SPG7: variants seen among roughly 807,000 people sequenced by gnomAD.
SPG7 encodes mitochondrial inner membrane m-AAA protease component paraplegin.
SPG7 carries 103 observed loss-of-function variants against 81.9 expected under a neutral mutation model. The ratio of observed to expected loss-of-function variants is 1.26; its 90% CI spans 1.07 to 1.48. The LOEUF (loss-of-function observed/expected upper bound fraction) is 1.48. Ranked by LOEUF, SPG7 falls within the 40% of genes most tolerant of loss-of-function variation. The pLI is 0.00. For missense variants in SPG7, 1,241 were observed against 1,087.3 expected (o/e 1.14, Z -1.99); for synonymous variants, 534 against 444.2 (o/e 1.20, Z -2.54).
intron 9 of SPG7, chr16:89,536,724 G>A (rs776861944): frequency 6.2e-7 from 1 of 1,611,946 alleles, no homozygotes; most frequent in South Asian, 1.1e-5. Context: ...TGGACACCAA[G>A]GTCTTCGTCC....
chr16:89,544,492 A>T, intron 9 of SPG7, 156 bp from the exon 10 acceptor site: 1 of 794,320 alleles, frequency 1.3e-6, no homozygotes, highest in Non-Finnish European at 2.1e-6. Flanking sequence ...GCGATGGGGG[A>T]TCGCGGCTCC....
rs760570043 is a variant in SPG7 at position 89,556,993 on chromosome 16, G to A, written c.2288G>A (p.Trp763Ter). Residue 763 changes from tryptophan (W) to a stop codon, truncating the protein, a stop_gained, in exon 17 of 17, where the codon TGG becomes TAG. Coordinates refer to ENST00000645818, the MANE Select transcript of SPG7 (RefSeq NM_003119.4). LOFTEE classifies it low-confidence loss of function (END_TRUNC). The part of the protein sequence containing the change: ...GPKKMIAPQR[W>*]IDAQREKQDL... ...AAGAAAATGATCGCACCGCAGAGGT[G>A]GATCGACGCCCAGAGGGAGAAACAG... The A allele has an allele frequency of 6.2e-7, 1 of 1,613,884 alleles. No homozygotes were observed. The highest frequency in any genetic ancestry group is 2.2e-5 in the East Asian group (1 of 44,878).
intron 9 of SPG7, chr16:89,544,312 G>C: frequency 2.7e-6 from 1 of 368,932 alleles, no homozygotes; most frequent in South Asian, 2.2e-5. Flanking sequence ...AATGATGACA[G>C]GGCGGTGGGG....
chr16:89,522,337 C>T (rs537725263), intron 3 of SPG7: 1 of 152,364 alleles, frequency 6.6e-6, no homozygotes, highest in East Asian at 1.9e-4. Flanking sequence ...CGTGCCCAGG[C>T]CAGGCTTTGA....
chr16:89,545,879 G>A (rs947712457), intron 10 of SPG7: 1 of 437,678 alleles, frequency 2.3e-6, no homozygotes, highest in Non-Finnish European at 4.5e-6. Context: ...TAGAGAAAGG[G>A]TGTTGCGCTG....
At chr16:89,516,778 T>C (rs1474020510) in intron 3 of SPG7, 2 of 150,148 alleles carry the variant, frequency 1.3e-5, no homozygotes, top group Non-Finnish European at 3.0e-5. Context: ...GGCAGGAGAA[T>C]GGCGTGAACC....
intron 6 of SPG7, 140 bp from the exon 7 acceptor site, chr16:89,530,543 G>T: frequency 1.1e-6 from 1 of 913,848 alleles, no homozygotes. Context: ...AGCCTCGTCA[G>T]CCTGACATGA....
chr16:89,514,128 G>T (rs1429906675), intron 3 of SPG7, among the ~76,000 whole-genome samples: 1 of 152,036 alleles, frequency 6.6e-6, no homozygotes, highest in Non-Finnish European at 1.5e-5. Flanking sequence ...TTCAGTTTAG[G>T]CGTTTCTGGC....
chr16:89,537,408 G>A, intron 9 of SPG7: 2 of 1,056,244 alleles, frequency 1.9e-6, no homozygotes, highest in Middle Eastern at 4.6e-4. Context: ...CGCGGGAGCT[G>A]CGGAAGCCCA....
intron 2 of SPG7, among the ~76,000 whole-genome samples, chr16:89,511,724 CTATTTTTAT>C (rs909450821): frequency 6.6e-6 from 1 of 152,132 alleles, no homozygotes; most frequent in South Asian, 2.1e-4. Context: ...AACTCTTTCC[CTATTTTTAT>C]TATTTTTTAT....
intron 11 of SPG7, chr16:89,547,121 C>T: frequency 3.2e-6 from 1 of 313,832 alleles, no homozygotes; most frequent in Non-Finnish European, 6.2e-6. Flanking sequence ...CTGACCCTCA[C>T]GGTCTCTGTC....
chr16:89,556,520 G>A (rs189040004), intron 16 of SPG7: 135 of 324,606 alleles, frequency 4.2e-4, no homozygotes, highest in African/African-American at 2.7e-3. Flanking sequence ...ACACAACTTC[G>A]CCTCAGATTC....
At chr16:89,553,253 A>C (rs2058655017) in intron 14 of SPG7, 118 bp downstream of exon 14, 1 of 1,070,214 alleles carries the variant, frequency 9.3e-7, no homozygotes, top group African/African-American at 1.6e-5. Context: ...GAATTTATTA[A>C]GTATTTTGTA....
intron 5 of SPG7, chr16:89,528,634 T>A (rs1597627617): frequency 7.7e-6 from 1 of 130,156 alleles, no homozygotes. Context: ...GGAGTCAGGG[T>A]CTCACTCTGT....
At chr16:89,511,560 G>C (rs1288182967) in intron 2 of SPG7, among the ~76,000 whole-genome samples, 1 of 152,198 alleles carries the variant, frequency 6.6e-6, no homozygotes, top group Non-Finnish European at 1.5e-5. Context: ...AGTGTTTAAC[G>C]TCAGCTCACG....
Position 89,524,047 on chromosome 16 carries a change from G to T in SPG7, c.418G>T (p.Glu140Ter). 6.2e-7 allele frequency: 1 copy of T among 1,613,654 alleles called. No individual in the cohort carries two copies. Residue 140 changes from glutamate to a stop codon, truncating the protein, a stop_gained, in exon 4 of 17, where the codon GAG (glutamate) becomes TAG (stop). Transcript: ENST00000645818. LOFTEE classifies it high-confidence loss of function. ...RRERDDQMYR[E>*]RLRTLLVIAV... ...TGAGCGGGACGACCAGATGTACCGA[G>T]AGCGGCTGCGCACCTTGCTGGTCAT...
At chr16:89,532,430 G>T in intron 8 of SPG7, 33 bp from the exon 9 acceptor site, 1 of 1,611,814 alleles carries the variant, frequency 6.2e-7, no homozygotes, top group South Asian at 1.1e-5. Context: ...TTTATTAACT[G>T]CCCATTTCCT....
chr16:89,523,668 A>G (rs778991143), intron 3 of SPG7: 17 of 474,504 alleles, frequency 3.6e-5, no homozygotes, highest in African/African-American at 9.8e-5. Flanking sequence ...TGCAGCTTCA[A>G]CCTCCCGCCT....
At chr16:89,518,421 T>C (rs1456906398) in intron 3 of SPG7, 1 of 152,176 alleles carries the variant, frequency 6.6e-6, no homozygotes, top group South Asian at 2.1e-4. Flanking sequence ...CTGGAAGGAA[T>C]TATACGGAGT....
Sources: allele counts gnomAD v4.1 joint callset (sites outside exome capture counted in the v4.1 genomes callset), GRCh38; gene constraint gnomAD v4.1.1; transcripts MANE v1.5; gene names NCBI Gene and HGNC (gene_info 2026-07-23, HGNC 2026-07-21).